Variants in LIMS1 observed in about 807,000 individuals in gnomAD.
LIMS1 encodes the protein LIM and senescent cell antigen-like-containing domain protein 1.
A neutral mutation model predicts 44.1 loss-of-function variants in LIMS1; 18 were observed. The ratio of observed to expected loss-of-function variants is 0.41; its 90% CI spans 0.28 to 0.61. LIMS1 has a LOEUF of 0.61. Ranked by LOEUF, LIMS1 falls within the 20% of genes least tolerant of loss-of-function variation. The probability of loss-of-function intolerance (pLI) is 0.32; values close to 1 mark genes in which losing one functional copy is unlikely to be tolerated. For missense variants in LIMS1, 201 were observed against 422.0 expected (o/e 0.48, Z 4.59); for synonymous variants, 93 against 149.1 (o/e 0.62, Z 2.74).
intron 1 of LIMS1, among the ~76,000 whole-genome samples, chr2:108,622,932 GTAGT>G (rs756091428): frequency 1.3e-5 from 2 of 149,646 alleles, no homozygotes; most frequent in Admixed American, 6.6e-5. Flanking sequence ...TGCCAAGGAA[GTAGT>G]TATTTACATA....
chr2:108,607,260 G>A, intron 1 of LIMS1: 1 of 1,550,952 alleles, frequency 6.4e-7, no homozygotes, highest in Non-Finnish European at 8.7e-7. Context: ...GACATGGTGA[G>A]TGCTGCTGCA....
chr2:108,593,477 C>A (rs1686510665), intron 1 of LIMS1, among the ~76,000 whole-genome samples: 1 of 152,234 alleles, frequency 6.6e-6, no homozygotes, highest in Non-Finnish European at 1.5e-5. Context: ...CTACCCAGAC[C>A]TGGAGTTGCT....
intron 8 of LIMS1, among the ~76,000 whole-genome samples, chr2:108,679,761 A>C (rs1027734325): frequency 6.6e-6 from 1 of 151,906 alleles, no homozygotes; most frequent in African/African-American, 2.4e-5. Flanking sequence ...CTACAAAATA[A>C]AAAATTAGCC....
At chr2:108,594,633 TGTGTA>T (rs1247696322) in intron 1 of LIMS1, among the ~76,000 whole-genome samples, 3 of 152,116 alleles carry the variant, frequency 2.0e-5, no homozygotes, top group Admixed American at 6.5e-5. Context: ...GTAAGCAGCA[TGTGTA>T]GTTTTAAGAT....
At chr2:108,636,435 G>A (rs114851473) in intron 1 of LIMS1, among the ~76,000 whole-genome samples, 3,828 of 152,312 alleles carry the variant, frequency 0.025, 103 homozygotes, top group African/African-American at 0.064. Flanking sequence ...GCTAGACACC[G>A]AAGAAGCCAG....
chr2:108,668,795 T>C (rs1691961857), intron 2 of LIMS1, among the ~76,000 whole-genome samples: 1 of 152,244 alleles, frequency 6.6e-6, no homozygotes, highest in Non-Finnish European at 1.5e-5. Context: ...ATCAGATTTT[T>C]ATACATATAG....
At chr2:108,641,749 A>C (rs1689682044) in intron 1 of LIMS1, among the ~76,000 whole-genome samples, 1 of 152,166 alleles carries the variant, frequency 6.6e-6, no homozygotes, top group South Asian at 2.1e-4. Context: ...TGCATTCAAA[A>C]ATTAGGAAAA....
intron 1 of LIMS1, among the ~76,000 whole-genome samples, chr2:108,614,319 A>G (rs549082167): frequency 6.6e-6 from 1 of 152,230 alleles, no homozygotes; most frequent in South Asian, 2.1e-4. Context: ...CTAGGCTTCC[A>G]GTCTCTGCCA....
intron 1 of LIMS1, among the ~76,000 whole-genome samples, chr2:108,618,554 C>G (rs547998688): frequency 6.6e-6 from 1 of 152,164 alleles, no homozygotes; most frequent in Non-Finnish European, 1.5e-5. Flanking sequence ...AGGCGGGGCA[C>G]GGTGGCTCAC....
rs1199203526 is a variant in LIMS1, at chr2:108,642,358, GT to G, written c.33-17241del. Among the ~76,000 whole-genome samples, 3 of 18,462 alleles carry G rather than the reference GT, an allele frequency of 1.6e-4. 1 individual carries two copies. Among genetic ancestry groups the G allele is most frequent in the African/African-American group, 3.0e-4 (3 of 9,842 alleles). The allele number at this position is 18,462 out of a possible 152,430, so 12.1% of individuals were successfully genotyped here. ...GTGTTTTTTGTTTTTTTTTTTTTTT[GT>G]TTTTTGTTTTTTTTTTTTGAGACGG... On this transcript the variant is annotated intron_variant, in intron 1 of 9. Transcript: ENST00000544547.
At chr2:108,535,732 C>T (rs1429689365) in intron 1 of LIMS1, among the ~76,000 whole-genome samples, 1 of 152,152 alleles carries the variant, frequency 6.6e-6, no homozygotes, top group East Asian at 1.9e-4. Flanking sequence ...TGAAAGCTTG[C>T]TTTTTATCAT....
intron 1 of LIMS1, among the ~76,000 whole-genome samples, chr2:108,564,923 C>T (rs1037490879): frequency 1.3e-5 from 2 of 151,744 alleles, no homozygotes; most frequent in Non-Finnish European, 2.9e-5. Flanking sequence ...CACTGTACCC[C>T]AAGGTTACAG....
chr2:108,677,008 T>C, intron 7 of LIMS1: 1 of 302,166 alleles, frequency 3.3e-6, no homozygotes. Flanking sequence ...TTCATCATAC[T>C]CCTTTATCCC....
At chr2:108,641,821 T>C (rs953275047) in intron 1 of LIMS1, among the ~76,000 whole-genome samples, 3 of 152,242 alleles carry the variant, frequency 2.0e-5, no homozygotes, top group East Asian at 1.9e-4. Context: ...GGCCAAACTT[T>C]GTCTGTTTTC....
chr2:108,603,926 T>G (rs1383699290), intron 1 of LIMS1, among the ~76,000 whole-genome samples: 2 of 152,186 alleles, frequency 1.3e-5, no homozygotes, highest in East Asian at 3.8e-4. Context: ...CATTGTTAGG[T>G]TATTTATTTG....
chr2:108,593,394 C>CCGCCTGCCT (rs1686506589), intron 1 of LIMS1, among the ~76,000 whole-genome samples: 1 of 152,144 alleles, frequency 6.6e-6, no homozygotes, highest in African/African-American at 2.4e-5. Context: ...TTCCTTCTCA[C>CCGCCTGCCT]CGCCTGCCTT....
At chr2:108,616,871 GC>G (rs1212600661) in intron 1 of LIMS1, among the ~76,000 whole-genome samples, 1 of 152,126 alleles carries the variant, frequency 6.6e-6, no homozygotes, top group Non-Finnish European at 1.5e-5. Context: ...ATAAATGTTT[GC>G]CAGATGAATG....
intron 1 of LIMS1, among the ~76,000 whole-genome samples, chr2:108,591,491 G>T (rs911718608): frequency 6.6e-6 from 1 of 152,086 alleles, no homozygotes; most frequent in African/African-American, 2.4e-5. Context: ...ACAAGGTCTT[G>T]CTCTGTCACC....
chr2:108,677,840 A>G, intron 7 of LIMS1, 139 bp from the exon 8 acceptor site: 3 of 1,380,238 alleles, frequency 2.2e-6, no homozygotes, highest in South Asian at 1.5e-5. Flanking sequence ...TGTAAGAAGT[A>G]AAAACTTGTC....
Sources: gnomAD v4.1 joint callset for allele counts (sites outside exome capture counted in the v4.1 genomes callset) on GRCh38, gnomAD v4.1.1 for gene constraint, MANE v1.5 for transcripts, NCBI Gene and HGNC (gene_info 2026-07-23, HGNC 2026-07-21) for gene names.